ANO4: variants seen among roughly 807,000 people sequenced by gnomAD.
ANO4 encodes anoctamin 4.
Under a neutral mutation model 141.9 loss-of-function variants are expected in ANO4, and 69 were observed. The observed-to-expected ratio is 0.49, with a 90% CI of 0.40 to 0.59. The LOEUF is 0.59. ANO4 is among the 20% of genes least tolerant of loss of function. The pLI, the probability that ANO4 is intolerant of heterozygous loss-of-function variation, is 0.00. For missense variants in ANO4, 894 were observed against 1,162.2 expected, an observed-to-expected ratio of 0.77 and a Z score of 3.36; for synonymous variants, 350 against 394.3, an observed-to-expected ratio of 0.89 and a Z score of 1.33.
At chr12:100,945,305 A>G (rs2042679338) in intron 5 of ANO4, among the ~76,000 whole-genome samples, 1 of 152,216 alleles carries the variant, frequency 6.6e-6, no homozygotes, top group Non-Finnish European at 1.5e-5. Context: ...GTGAGGACAT[A>G]GTCAAGTTTA....
chr12:101,033,864 T>C (rs61944930), intron 9 of ANO4, among the ~76,000 whole-genome samples: 10,226 of 152,192 alleles, frequency 0.067, 621 homozygotes, highest in African/African-American at 0.16. Context: ...AAGACATACA[T>C]GCAGCCAACA....
intron 1 of ANO4, among the ~76,000 whole-genome samples, chr12:100,862,673 C>CT (rs1166294147): frequency 6.6e-6 from 1 of 152,156 alleles, no homozygotes; most frequent in Non-Finnish European, 1.5e-5. Context: ...GTGTGCTACA[C>CT]TTTTATGCAA....
At chr12:100,775,563 C>G (rs1249337127) in intron 3 of ANO4, among the ~76,000 whole-genome samples, 2 of 152,194 alleles carry the variant, frequency 1.3e-5, no homozygotes. Context: ...ATATGTCTGT[C>G]TCTCAGAATC....
intron 1 of ANO4, among the ~76,000 whole-genome samples, chr12:100,725,613 T>C (rs2031082436): frequency 6.6e-6 from 1 of 152,180 alleles, no homozygotes; most frequent in Non-Finnish European, 1.5e-5. Context: ...CCCAAAGTGC[T>C]GGGATTATAG....
chr12:101,007,551 TCAAA>T (rs2045922961), intron 8 of ANO4, among the ~76,000 whole-genome samples: 1 of 152,200 alleles, frequency 6.6e-6, no homozygotes. Context: ...TTTTCTAAAT[TCAAA>T]CAGTTAGTGC....
At chr12:100,905,761 T>G (rs1351251748) in intron 2 of ANO4, among the ~76,000 whole-genome samples, 1 of 152,112 alleles carries the variant, frequency 6.6e-6, no homozygotes, top group African/African-American at 2.4e-5. Flanking sequence ...CTCCAGCAGA[T>G]AATTTATGGT....
At chr12:101,080,967 A>G (rs564465753) in intron 15 of ANO4, among the ~76,000 whole-genome samples, 95 of 146,448 alleles carry the variant, frequency 6.5e-4, no homozygotes, top group East Asian at 3.3e-3. Flanking sequence ...ATATATATAT[A>G]TGTGTATATA....
chr12:100,975,955 A>AAAAAAAAAAAAC (rs1555266336), intron 7 of ANO4, among the ~76,000 whole-genome samples: 2 of 124,624 alleles, frequency 1.6e-5, no homozygotes, highest in Admixed American at 8.7e-5. Context: ...GAAAAAAAAA[A>AAAAAAAAAAAAC]CCCACCAGAT....
chr12:100,967,354 T>C (rs2043718160), intron 5 of ANO4, among the ~76,000 whole-genome samples: 1 of 152,152 alleles, frequency 6.6e-6, no homozygotes, highest in African/African-American at 2.4e-5. Flanking sequence ...GAAAGACCTA[T>C]CTAGAAACAG....
intron 5 of ANO4, among the ~76,000 whole-genome samples, chr12:100,950,758 G>A (rs1398245706): frequency 6.6e-6 from 1 of 152,200 alleles, no homozygotes; most frequent in Non-Finnish European, 1.5e-5. Context: ...TGTGAAGGTG[G>A]TGAGAGGTAG....
At position 101,116,774 on chromosome 12, in the gene ANO4, C is replaced by T. The variant is rs376008571; in HGVS notation, c.2546C>T (p.Ser849Leu). ...SEPESDGSEF[S>L]GTPLKYCRYR... ...CCTGAATCTGATGGCAGTGAGTTCT[C>T]GGGGACTCCTCTTAAGTACTGCAGG... The change falls in exon 25 of 28, where the codon TCG becomes TTG. Residue 849 changes from serine (S) to leucine (L), a missense_variant. By Grantham distance (145) the Ser-to-Leu change is moderately radical. Transcript: ENST00000392977. The T allele has an allele frequency of 5.0e-5, 80 of 1,613,936 alleles. No homozygotes were observed. The highest frequency in any genetic ancestry group is 5.9e-5 in the Non-Finnish European group (70 of 1,180,008).
At chr12:100,776,101 A>G (rs141235862) in intron 3 of ANO4, among the ~76,000 whole-genome samples, 30 of 152,308 alleles carry the variant, frequency 2.0e-4, no homozygotes, top group African/African-American at 7.2e-4. Flanking sequence ...AAAACCCTAT[A>G]AGGTAGCAGT....
At chr12:100,854,803 C>T (rs1164230836) in intron 1 of ANO4, among the ~76,000 whole-genome samples, 1 of 152,072 alleles carries the variant, frequency 6.6e-6, no homozygotes, top group East Asian at 1.9e-4. Context: ...TGTTCCATTT[C>T]CTTTTGTGTT....
intron 1 of ANO4, among the ~76,000 whole-genome samples, chr12:100,820,430 G>A (rs561048604): frequency 6.6e-6 from 1 of 151,382 alleles, no homozygotes; most frequent in South Asian, 2.1e-4. Context: ...GCACAAGCAG[G>A]GAATGATTAC....
chr12:100,857,913 C>G (rs2038265844), intron 1 of ANO4, among the ~76,000 whole-genome samples: 1 of 152,090 alleles, frequency 6.6e-6, no homozygotes, highest in African/African-American at 2.4e-5. Context: ...TGATAATATT[C>G]AAACCTCATT....
chr12:101,060,227 G>T (rs1026529239), intron 14 of ANO4, among the ~76,000 whole-genome samples: 2 of 152,240 alleles, frequency 1.3e-5, no homozygotes, highest in East Asian at 1.9e-4. Flanking sequence ...TAATTTGATT[G>T]CACTGTGGTC....
intron 5 of ANO4, among the ~76,000 whole-genome samples, chr12:100,969,067 A>G (rs1451476040): frequency 6.6e-6 from 1 of 152,234 alleles, no homozygotes; most frequent in African/African-American, 2.4e-5. Flanking sequence ...CATTTGCAGT[A>G]ACCTGCAGTG....
chr12:101,084,831 A>G (rs2049419290), intron 16 of ANO4, among the ~76,000 whole-genome samples: 1 of 152,212 alleles, frequency 6.6e-6, no homozygotes, highest in South Asian at 2.1e-4. Flanking sequence ...CTTGGAACAC[A>G]GGAGGCTGGA....
intron 3 of ANO4, among the ~76,000 whole-genome samples, chr12:100,936,568 A>G (rs552074147): frequency 6.6e-6 from 1 of 152,294 alleles, no homozygotes; most frequent in East Asian, 1.9e-4. Flanking sequence ...GCCTAAGGGG[A>G]TACATACATA....
Sources: gnomAD v4.1 joint callset for allele counts (sites outside exome capture counted in the v4.1 genomes callset) on GRCh38, gnomAD v4.1.1 for gene constraint, MANE v1.5 for transcripts, NCBI Gene and HGNC (gene_info 2026-07-23, HGNC 2026-07-21) for gene names.